The following WWOX variants were observed in gnomAD, a reference collection of about 807,000 sequenced individuals.
The protein encoded by WWOX is WW domain containing oxidoreductase, also known as WW domain-containing oxidoreductase.
A neutral mutation model predicts 46.2 loss-of-function variants in WWOX; 69 were observed. The ratio of observed to expected loss-of-function variants is 1.49; its 90% CI spans 1.23 to 1.82. The LOEUF (loss-of-function observed/expected upper bound fraction) is 1.82. Among genes scored for constraint, WWOX ranks in the 40% most tolerant of loss-of-function variants. The pLI, the probability that WWOX is intolerant of heterozygous loss-of-function variation, is 0.00. For missense variants in WWOX, 919 were observed against 542.6 expected, an observed-to-expected ratio of 1.69 and a Z score of -6.89; for synonymous variants, 359 against 202.6, an observed-to-expected ratio of 1.77 and a Z score of -6.56.
At chr16:78,411,051 G>C (rs1368695051) in intron 6 of WWOX, among the ~76,000 whole-genome samples, 1 of 152,148 alleles carries the variant, frequency 6.6e-6, no homozygotes, top group Non-Finnish European at 1.5e-5. Flanking sequence ...AAGAGAGCAA[G>C]AACAGGAGTG....
chr16:78,749,414 G>C (rs1175325984), intron 8 of WWOX, among the ~76,000 whole-genome samples: 1 of 152,186 alleles, frequency 6.6e-6, no homozygotes, highest in Non-Finnish European at 1.5e-5. Flanking sequence ...TTTAATAATA[G>C]TTTAAAAGAG....
chr16:78,840,670 G>A (rs1016297498), intron 8 of WWOX, among the ~76,000 whole-genome samples: 2 of 152,000 alleles, frequency 1.3e-5, no homozygotes, highest in Non-Finnish European at 2.9e-5. Context: ...TTCTGATTCA[G>A]TAGGTCTAGG....
intron 5 of WWOX, among the ~76,000 whole-genome samples, chr16:78,258,923 C>T (rs1430089422): frequency 2.0e-5 from 3 of 152,156 alleles, no homozygotes; most frequent in Non-Finnish European, 4.4e-5. Flanking sequence ...TCCCTGCCTG[C>T]TTTAAACATG....
intron 8 of WWOX, among the ~76,000 whole-genome samples, chr16:78,990,437 G>A (rs1169834044): frequency 6.6e-6 from 1 of 152,124 alleles, no homozygotes; most frequent in East Asian, 1.9e-4. Flanking sequence ...TAGCTTCAGT[G>A]GATTTCCAGA....
intron 8 of WWOX, among the ~76,000 whole-genome samples, chr16:78,940,556 T>G (rs1292536673): frequency 6.6e-6 from 1 of 152,170 alleles, no homozygotes; most frequent in Non-Finnish European, 1.5e-5. Context: ...TGCTTCTTAA[T>G]CCATTAGTAC....
At chr16:78,422,660 CATGT>C (rs1218925439) in intron 6 of WWOX, among the ~76,000 whole-genome samples, 2 of 6,526 alleles carry the variant, frequency 3.1e-4, no homozygotes, top group Admixed American at 4.8e-3. Context: ...GTTTTTTTTA[CATGT>C]ATATATATAT....
rs186563207 is a variant in WWOX, at chr16:79,111,450, G to C, written c.1057-100158G>C. On this transcript the variant is annotated intron_variant, in intron 8 of 8. Transcript: ENST00000566780. Reference sequence around the variant, plus strand: ...GAGACACTGTTTTCTGTATTGTTTAGGACTGAAAATGTAGACCTAACTGAA... The same window carrying C: ...GAGACACTGTTTTCTGTATTGTTTACGACTGAAAATGTAGACCTAACTGAA... Among the ~76,000 whole-genome samples the C allele has an allele frequency of 2.9e-3, 441 of 152,190 alleles. 4 individuals carry two copies. Among genetic ancestry groups the C allele is most frequent in the Non-Finnish European group, 2.9e-3 (194 of 68,012 alleles).
intron 5 of WWOX, among the ~76,000 whole-genome samples, chr16:78,266,839 C>G (rs377173000): frequency 5.9e-4 from 47 of 79,288 alleles, no homozygotes; most frequent in African/African-American, 1.9e-3. Context: ...TCCCTCTCTC[C>G]CCCTCTCTCT....
intron 8 of WWOX, among the ~76,000 whole-genome samples, chr16:78,447,805 A>T (rs1336076000): frequency 6.6e-6 from 1 of 152,048 alleles, no homozygotes; most frequent in Non-Finnish European, 1.5e-5. Flanking sequence ...TATTATTATT[A>T]TTTATTATTA....
chr16:78,594,022 C>G (rs1415473436), intron 8 of WWOX, among the ~76,000 whole-genome samples: 1 of 152,130 alleles, frequency 6.6e-6, no homozygotes, highest in Non-Finnish European at 1.5e-5. Flanking sequence ...CGTCTCCTGT[C>G]AATTGGGAAA....
intron 5 of WWOX, among the ~76,000 whole-genome samples, chr16:78,198,066 A>G (rs1466901838): frequency 1.3e-5 from 2 of 152,054 alleles, no homozygotes; most frequent in Non-Finnish European, 2.9e-5. Context: ...AAAAGTGGCC[A>G]CTGTCTCCTG....
chr16:78,545,883 T>C (rs993606458), intron 8 of WWOX, among the ~76,000 whole-genome samples: 3 of 152,148 alleles, frequency 2.0e-5, no homozygotes, highest in Non-Finnish European at 2.9e-5. Flanking sequence ...CCTCCTCTTA[T>C]AAGGACACCA....
chr16:79,062,231 T>C (rs117119613), intron 8 of WWOX, among the ~76,000 whole-genome samples: 2,474 of 152,296 alleles, frequency 0.016, 34 homozygotes, highest in Non-Finnish European at 0.026. Context: ...TCTTACAGTT[T>C]AAAACCATAA....
At chr16:78,533,092 C>G (rs911113000) in intron 8 of WWOX, among the ~76,000 whole-genome samples, 2 of 152,134 alleles carry the variant, frequency 1.3e-5, no homozygotes, top group Admixed American at 6.5e-5. Context: ...GCCTCAGTTC[C>G]TTTCCATCCT....
chr16:78,664,964 T>G (rs1360410171), intron 8 of WWOX, among the ~76,000 whole-genome samples: 1 of 152,194 alleles, frequency 6.6e-6, no homozygotes, highest in African/African-American at 2.4e-5. Flanking sequence ...TTCAATACAA[T>G]GAACTTGGGA....
At position 78,864,455 on chromosome 16, in the gene WWOX, G is replaced by T. The variant is rs559261713; in HGVS notation, c.1057-347153G>T. Among the ~76,000 whole-genome samples, 141 of 151,904 alleles carry T rather than the reference G, an allele frequency of 9.3e-4. 2 individuals carry two copies. Among genetic ancestry groups the T allele is most frequent in the African/African-American group, 3.3e-3 (136 of 41,434 alleles). Reference sequence around the variant, plus strand: ...GCTAAGTTTTGTATTTTTTTGTAGAGGCAAGGTTTCTCCATGTTGCCAAGG... The same window carrying T: ...GCTAAGTTTTGTATTTTTTTGTAGATGCAAGGTTTCTCCATGTTGCCAAGG... On this transcript the variant is annotated intron_variant, in intron 8 of 8. Coordinates refer to ENST00000566780, the MANE Select transcript of WWOX (RefSeq NM_016373.4).
At chr16:78,179,086 T>G (rs1488258562) in intron 5 of WWOX, among the ~76,000 whole-genome samples, 1 of 152,146 alleles carries the variant, frequency 6.6e-6, no homozygotes, top group Non-Finnish European at 1.5e-5. Context: ...CCTCAAAGAC[T>G]TGCCAACATA....
intron 8 of WWOX, among the ~76,000 whole-genome samples, chr16:79,062,160 G>A (rs1315471798): frequency 6.6e-6 from 1 of 152,180 alleles, no homozygotes; most frequent in Non-Finnish European, 1.5e-5. Flanking sequence ...GAGACTGGGG[G>A]CCCCAGACTC....
intron 3 of WWOX, among the ~76,000 whole-genome samples, chr16:78,111,477 C>G (rs547186692): frequency 2.7e-4 from 41 of 152,262 alleles, no homozygotes; most frequent in African/African-American, 8.9e-4. Flanking sequence ...AGCCTTCTGT[C>G]ACACCCGCAT....
Sources: gnomAD v4.1 joint callset for allele counts (sites outside exome capture counted in the v4.1 genomes callset) on GRCh38, gnomAD v4.1.1 for gene constraint, MANE v1.5 for transcripts, NCBI Gene and HGNC (gene_info 2026-07-23, HGNC 2026-07-21) for gene names.